The following CNTNAP2 variants were observed in gnomAD, a reference collection of about 807,000 sequenced individuals.
The protein encoded by CNTNAP2 is contactin associated protein 2.
In CNTNAP2, 98 loss-of-function variants were observed where a neutral mutation model predicts 155.2. The observed-to-expected ratio is 0.63, with a 90% CI of 0.54 to 0.75. The LOEUF is 0.75. Among genes scored for constraint, CNTNAP2 ranks in the 30% least tolerant of loss-of-function variants. The probability of loss-of-function intolerance (pLI) is 0.00; values close to 1 mark genes in which losing one functional copy is unlikely to be tolerated. For missense variants in CNTNAP2, 1,727 were observed against 1,688.1 expected (o/e 1.02, Z -0.40); for synonymous variants, 651 against 631.2 (o/e 1.03, Z -0.47).
chr7:147,383,958 A>G (rs1044533225), intron 9 of CNTNAP2, among the ~76,000 whole-genome samples: 8 of 152,178 alleles, frequency 5.3e-5, no homozygotes, highest in Admixed American at 4.6e-4. Flanking sequence ...AGAAGAAATT[A>G]GTAGTTGAAG....
rs114132057 is a variant in CNTNAP2, at chr7:147,917,744, G to A, written c.2255+14023G>A. On this transcript the variant is annotated intron_variant, in intron 14 of 23. Transcript: ENST00000361727. ...TAAGGGGCAACTAAGAGCCTCTGTC[G>A]GAAGTGTTAATTCTTCAAAGGGGCC... is the stretch of plus-strand genomic sequence containing the variant. Among the ~76,000 whole-genome samples, 1,007 of 152,186 alleles carry A rather than the reference G, an allele frequency of 6.6e-3. 9 individuals carry two copies. Among genetic ancestry groups the A allele is most frequent in the African/African-American group, 0.023 (965 of 41,502 alleles).
chr7:147,017,761 CA>C, intron 3 of CNTNAP2, among the ~76,000 whole-genome samples: 1 of 151,940 alleles, frequency 6.6e-6, no homozygotes, highest in South Asian at 2.1e-4. Flanking sequence ...GAGCATATAT[CA>C]AAGATTTATT....
At chr7:146,782,643 T>C (rs1176007082) in intron 2 of CNTNAP2, among the ~76,000 whole-genome samples, 1 of 152,170 alleles carries the variant, frequency 6.6e-6, no homozygotes, top group Non-Finnish European at 1.5e-5. Context: ...CTTTTGACAG[T>C]GAAAGAGAGT....
intron 10 of CNTNAP2, among the ~76,000 whole-genome samples, chr7:147,485,093 C>A (rs1177948698): frequency 6.6e-6 from 1 of 152,130 alleles, no homozygotes; most frequent in Non-Finnish European, 1.5e-5. Flanking sequence ...AAATTTCAGC[C>A]TCACAATTTC....
At chr7:147,599,801 C>G (rs2116857997) in intron 12 of CNTNAP2, among the ~76,000 whole-genome samples, 1 of 152,260 alleles carries the variant, frequency 6.6e-6, no homozygotes, top group Middle Eastern at 3.4e-3. Flanking sequence ...CATTCTTACT[C>G]TAACATGTTA....
At chr7:147,272,325 A>G (rs906343684) in intron 8 of CNTNAP2, among the ~76,000 whole-genome samples, 1 of 146,384 alleles carries the variant, frequency 6.8e-6, no homozygotes, top group Non-Finnish European at 1.5e-5. Context: ...ACTCTACTTC[A>G]GTACTAAACT....
chr7:147,941,304 C>T (rs888718396), intron 14 of CNTNAP2, among the ~76,000 whole-genome samples: 5 of 152,160 alleles, frequency 3.3e-5, no homozygotes, highest in Admixed American at 2.6e-4. Context: ...ACAAAGTAAA[C>T]AAAATGGCAG....
intron 13 of CNTNAP2, among the ~76,000 whole-genome samples, chr7:147,806,120 C>T (rs562907794): frequency 1.3e-5 from 2 of 152,108 alleles, no homozygotes; most frequent in Non-Finnish European, 2.9e-5. Context: ...GATTAGTAAC[C>T]AGAACATATA....
chr7:147,067,338 C>CCACCCT (rs1799801811), intron 4 of CNTNAP2, among the ~76,000 whole-genome samples: 1 of 150,886 alleles, frequency 6.6e-6, no homozygotes, highest in Non-Finnish European at 1.5e-5. Flanking sequence ...CATAAGGCCT[C>CCACCCT]CACCCTCATG....
chr7:147,017,754 C>T (rs896268168), intron 3 of CNTNAP2, among the ~76,000 whole-genome samples: 1 of 151,868 alleles, frequency 6.6e-6, no homozygotes, highest in Non-Finnish European at 1.5e-5. Context: ...ATAAAGTGAG[C>T]ATATATCAAA....
chr7:147,689,357 C>T (rs1043353381), intron 13 of CNTNAP2, among the ~76,000 whole-genome samples: 2 of 151,964 alleles, frequency 1.3e-5, no homozygotes, highest in African/African-American at 4.8e-5. Flanking sequence ...ACCAAGTTGG[C>T]CAGGCTTGTT....
intron 1 of CNTNAP2, among the ~76,000 whole-genome samples, chr7:146,161,759 C>G (rs1562972330): frequency 6.6e-6 from 1 of 152,174 alleles, no homozygotes; most frequent in Admixed American, 6.5e-5. Context: ...TGACTTCAAA[C>G]TATACTGCAA....
intron 1 of CNTNAP2, among the ~76,000 whole-genome samples, chr7:146,138,715 TATC>T (rs532967440): frequency 1.3e-5 from 2 of 152,046 alleles, no homozygotes; most frequent in Non-Finnish European, 1.5e-5. Flanking sequence ...ATTTAGTTGA[TATC>T]ATGGGGAAAT....
chr7:147,735,594 G>A (rs371267293), intron 13 of CNTNAP2, among the ~76,000 whole-genome samples: 1 of 150,550 alleles, frequency 6.6e-6, no homozygotes, highest in Non-Finnish European at 1.5e-5. Context: ...TTTCTGTCTT[G>A]TTGATCTGTC....
intron 21 of CNTNAP2, among the ~76,000 whole-genome samples, chr7:148,292,477 G>T (rs1441285365): frequency 6.6e-6 from 1 of 152,178 alleles, no homozygotes; most frequent in Admixed American, 6.5e-5. Context: ...TTGTAGTGAT[G>T]AAAACAAAGC....
At chr7:146,148,277 G>T (rs1018395314) in intron 1 of CNTNAP2, among the ~76,000 whole-genome samples, 1 of 152,022 alleles carries the variant, frequency 6.6e-6, no homozygotes. Flanking sequence ...TTATGGTGGG[G>T]TCTTTGAAAT....
At chr7:147,693,439 G>C (rs1256165337) in intron 13 of CNTNAP2, among the ~76,000 whole-genome samples, 1 of 152,024 alleles carries the variant, frequency 6.6e-6, no homozygotes, top group Non-Finnish European at 1.5e-5. Context: ...AGGAAGAGTA[G>C]ATATTGTGAT....
chr7:148,365,857 T>C lies in CNTNAP2; in HGVS notation c.3476-17792T>C, dbSNP rs537409071. Among the ~76,000 whole-genome samples, 22 of 113,058 alleles carry C rather than the reference T, an allele frequency of 1.9e-4. 8 individuals carry two copies. Among genetic ancestry groups the C allele is most frequent in the Non-Finnish European group, 2.9e-4 (15 of 51,568 alleles). 74.2% of individuals were successfully genotyped at this position (113,058 alleles called of 152,430 possible). A position where few individuals can be genotyped will look rare whatever the true frequency, so the allele number is the denominator to read the frequency against. On this transcript the variant is annotated intron_variant, in intron 21 of 23. Coordinates refer to ENST00000361727, the MANE Select transcript of CNTNAP2 (RefSeq NM_014141.6). ...ATGTATACATGCATGTGTATGCATG[T>C]ATACATGTATGTGTATGCATGTATA...
At chr7:147,050,179 A>T (rs900309894) in intron 4 of CNTNAP2, among the ~76,000 whole-genome samples, 3 of 152,208 alleles carry the variant, frequency 2.0e-5, no homozygotes, top group Non-Finnish European at 4.4e-5. Context: ...TTTCTCCCAC[A>T]GCGCAGACAC....
Sources: gnomAD v4.1 joint callset for allele counts (sites outside exome capture counted in the v4.1 genomes callset) on GRCh38, gnomAD v4.1.1 for gene constraint, MANE v1.5 for transcripts, NCBI Gene and HGNC (gene_info 2026-07-23, HGNC 2026-07-21) for gene names.